Variants in TRMU observed in about 807,000 individuals in gnomAD.
TRMU encodes mitochondrial tRNA-specific 2-thiouridylase 1.
TRMU carries 49 observed loss-of-function variants against 46.9 expected under a neutral mutation model. The observed-to-expected ratio is 1.05, with a 90% CI of 0.83 to 1.33. The LOEUF is 1.33. Ranked by LOEUF, TRMU falls within the 40% of genes most tolerant of loss-of-function variation. The pLI, the probability that TRMU is intolerant of heterozygous loss-of-function variation, is 0.00. For synonymous variants in TRMU, 241 were observed against 200.9 expected, an observed-to-expected ratio of 1.20 and a Z score of -1.69; for missense variants, 572 against 532.4, an observed-to-expected ratio of 1.07 and a Z score of -0.73.
rs1482740433 is a variant in TRMU, at chr22:46,349,424, C to G, written c.479-867C>G. ...CGGCAGATGGAAAACACTAGCTACG[C>G]AGAGTGTGTACTGTACACGTGGCTC... is the stretch of plus-strand genomic sequence containing the variant. On this transcript the variant is annotated intron_variant, in intron 4 of 10. Coordinates refer to ENST00000645190, the MANE Select transcript of TRMU (RefSeq NM_018006.5). The surrounding 1 kb of genome is among the most constrained non-coding windows in gnomAD (Gnocchi z 4.6). Among the ~76,000 whole-genome samples the G allele has an allele frequency of 6.6e-6, 1 of 152,228 alleles. No homozygotes were observed. Among genetic ancestry groups the G allele is most frequent in the Non-Finnish European group, 1.5e-5 (1 of 68,042 alleles).
At chr22:46,341,029 A>G (rs1337485269) in intron 2 of TRMU, among the ~76,000 whole-genome samples, 1 of 152,226 alleles carries the variant, frequency 6.6e-6, no homozygotes, top group African/African-American at 2.4e-5. Context: ...CTTTCATTCA[A>G]GACCCACTGG....
At chr22:46,355,772 G>A in intron 9 of TRMU, 184 bp downstream of exon 9, 5 of 1,146,850 alleles carry the variant, frequency 4.4e-6, no homozygotes, top group Non-Finnish European at 6.3e-6. Flanking sequence ...TGGGGGTGCT[G>A]GGAGCAGATG....
At chr22:46,353,733 T>C in intron 7 of TRMU, 34 bp from the exon 8 acceptor site, 1 of 1,602,762 alleles carries the variant, frequency 6.2e-7, no homozygotes, top group Non-Finnish European at 8.5e-7. Flanking sequence ...TGTAACTTGT[T>C]GCCCAGCCTC....
At chr22:46,344,823 A>G (rs2078210208) in intron 3 of TRMU, among the ~76,000 whole-genome samples, 1 of 152,228 alleles carries the variant, frequency 6.6e-6, no homozygotes, top group Non-Finnish European at 1.5e-5. Flanking sequence ...TTGAGGACAC[A>G]GATGTAAAGT....
At position 46,339,993 on chromosome 22, in the gene TRMU, G is replaced by A. The variant is rs932958726; in HGVS notation, c.248+2049G>A. Among the ~76,000 whole-genome samples the A allele has an allele frequency of 6.6e-6, 1 of 152,008 alleles. No homozygotes were observed. The highest frequency in any genetic ancestry group is 1.5e-5 in the Non-Finnish European group (1 of 67,996). On this transcript the variant is annotated intron_variant, in intron 2 of 10. Coordinates refer to ENST00000645190, the MANE Select transcript of TRMU (RefSeq NM_018006.5). This position sits in a 1 kb window ranked among gnomAD's most constrained non-coding sequence, Gnocchi z 4.8. ...AGGATAAATCTGGGGGAAGACCAAA[G>A]GCAGAGAGTCTCAGGAAGTGCTGTT...
chr22:46,344,803 G>A (rs1394825604), intron 3 of TRMU, among the ~76,000 whole-genome samples: 1 of 152,228 alleles, frequency 6.6e-6, no homozygotes, highest in Non-Finnish European at 1.5e-5. Context: ...TCTAGTATAA[G>A]TGCTGTTCTT....
chr22:46,350,862 C>T lies in TRMU; in HGVS notation c.651+399C>T, dbSNP rs12160672. On this transcript the variant is annotated intron_variant, in intron 5 of 10. Coordinates refer to ENST00000645190, the MANE Select transcript of TRMU (RefSeq NM_018006.5). This position sits in a 1 kb window ranked among gnomAD's most constrained non-coding sequence, Gnocchi z 4.6. ...TCATGTGCCCTGTCACCCGCTTGCC[C>T]GGCACAGACTCGTTCGGTGCCATCT... Among the ~76,000 whole-genome samples, 4,894 of 152,290 alleles carry T rather than the reference C, an allele frequency of 0.032. 273 individuals are homozygous for T. The highest frequency in any genetic ancestry group is 0.11 in the African/African-American group (4,591 of 41,540).
chr22:46,353,954 A>C (rs911716698), intron 8 of TRMU, 87 bp downstream of exon 8: 14 of 1,282,182 alleles, frequency 1.1e-5, no homozygotes, highest in Admixed American at 1.8e-5. Context: ...GAAGGCCTCC[A>C]GCAGCCGTGG....
rs909068175 is a variant in TRMU, at chr22:46,350,985, C to T, written c.651+522C>T. The stretch of plus-strand genomic sequence containing the variant: ...CCCGCCCGCGAGTGGGGGACACAGG[C>T]AGGAGGCCAATCAGTGTAAACCTAG... On this transcript the variant is annotated intron_variant, in intron 5 of 10. Transcript: ENST00000645190. This position sits in a 1 kb window ranked among gnomAD's most constrained non-coding sequence, Gnocchi z 4.6. 2.0e-5 allele frequency among the ~76,000 whole-genome samples: 3 copies of T among 152,208 alleles called. No individual in the cohort carries two copies. The highest frequency in any genetic ancestry group is 2.9e-5 in the Non-Finnish European group (2 of 68,038).
In TRMU at chr22:46,336,117, G is replaced by A. The variant is rs1207904015; in HGVS notation, c.82+271G>A. ...GCGCGCCCACCCACAGTGAGAAGCC[G>A]GCGGGCCGGGGTGGGGTGGGGAGGG... is the stretch of plus-strand genomic sequence containing the variant. On this transcript the variant is annotated intron_variant, in intron 1 of 10. Transcript: ENST00000645190. This position sits in a 1 kb window ranked among gnomAD's most constrained non-coding sequence, Gnocchi z 4.1. The A allele has an allele frequency of 8.2e-6, 11 of 1,345,670 alleles. No homozygotes were observed. The highest frequency in any genetic ancestry group is 1.5e-5 in the African/African-American group (1 of 64,652). The allele number at this position is 1,345,670 out of a possible 1,614,324, so 83.4% of individuals were successfully genotyped here.
intron 8 of TRMU, 146 bp from the exon 9 acceptor site, chr22:46,355,296 TTC>T: frequency 7.9e-7 from 1 of 1,265,158 alleles, no homozygotes; most frequent in South Asian, 1.3e-5. Flanking sequence ...TGAGATGAAT[TTC>T]TGTGGGTAGA....
In TRMU at chr22:46,356,880, C is replaced by T. The variant is rs142734733; in HGVS notation, c.1140C>T (p.Ser380=). ...ACAAGGGGGACGAGTGCCTGGGCAGCGGGAAGATCCTGCGGCTGGGGCCGT... is the reference window on the plus strand; with the variant it reads ...ACAAGGGGGACGAGTGCCTGGGCAGTGGGAAGATCCTGCGGCTGGGGCCGT... ...VFYKGDECLG[S]GKILRLGPSA... The change falls in exon 11 of 11, where the codon AGC becomes AGT. Residue 380 remains serine, a synonymous_variant. Coordinates refer to ENST00000645190, the MANE Select transcript of TRMU (RefSeq NM_018006.5). 21 of 1,613,374 alleles carry T rather than the reference C, an allele frequency of 1.3e-5. No individual in the cohort carries two copies. Among genetic ancestry groups the T allele is most frequent in the East Asian group, 4.5e-5 (2 of 44,898 alleles).
rs2077971258 is a variant in TRMU at position 46,336,172 on chromosome 22, C to T, written c.82+326C>T. The T allele has an allele frequency of 1.6e-6, 2 of 1,233,590 alleles. No homozygotes were observed. Among genetic ancestry groups the T allele is most frequent in the Admixed American group, 8.0e-5 (2 of 24,862 alleles). The allele number at this position is 1,233,590 out of a possible 1,614,324, so 76.4% of individuals were successfully genotyped here. On this transcript the variant is annotated intron_variant, in intron 1 of 10. Coordinates refer to ENST00000645190, the MANE Select transcript of TRMU (RefSeq NM_018006.5). This position sits in a 1 kb window ranked among gnomAD's most constrained non-coding sequence, Gnocchi z 4.1. ...GTTTCTCACGGATCTGCGGCGTCCA[C>T]ATTCACCTGTGAGACCGTGGACACT...
intron 1 of TRMU, among the ~76,000 whole-genome samples, chr22:46,337,503 AC>A (rs1408850353): frequency 2.6e-5 from 4 of 152,174 alleles, no homozygotes; most frequent in African/African-American, 9.7e-5. Context: ...CGTGTATTCC[AC>A]ACACACTGGC....
intron 7 of TRMU, chr22:46,352,561 G>T (rs1443222728): frequency 1.6e-6 from 1 of 607,988 alleles, no homozygotes; most frequent in East Asian, 2.8e-5. Context: ...TTCATGAAAA[G>T]CGCGCCTCTG....
At position 46,355,834 on chromosome 22, in the gene TRMU, G is replaced by C. The variant is rs1213606826; in HGVS notation, c.1019-156G>C. ...AAGCAAGTGTGTACACTGCCCCGCAGTGTCCTGCTGCGTCCAGGGCCCAGG... is the reference window on the plus strand; with the variant it reads ...AAGCAAGTGTGTACACTGCCCCGCACTGTCCTGCTGCGTCCAGGGCCCAGG... On this transcript the variant is annotated intron_variant, in intron 9 of 10. Transcript: ENST00000645190. The C allele has an allele frequency of 7.8e-6, 8 of 1,019,946 alleles. No homozygotes were observed. The Admixed American group carries it at 8.2e-5, about 10-fold the overall frequency. 63.2% of individuals were successfully genotyped at this position (1,019,946 alleles called of 1,614,324 possible).
At chr22:46,344,855 C>T (rs2078210931) in intron 3 of TRMU, among the ~76,000 whole-genome samples, 1 of 152,172 alleles carries the variant, frequency 6.6e-6, no homozygotes, top group South Asian at 2.1e-4. Context: ...TCTAGGAGAA[C>T]CTCAGTCAAG....
Position 46,350,973 on chromosome 22 carries a change from G to T in TRMU, c.651+510G>T, listed in dbSNP as rs1450159902. ...GCCTCCATGGAGCCCGCCCGCGAGT[G>T]GGGGACACAGGCAGGAGGCCAATCA... On this transcript the variant is annotated intron_variant, in intron 5 of 10. Transcript: ENST00000645190. This position sits in a 1 kb window ranked among gnomAD's most constrained non-coding sequence, Gnocchi z 4.6. Among the ~76,000 whole-genome samples the T allele has an allele frequency of 6.6e-6, 1 of 152,244 alleles. No individual in the cohort carries two copies. The highest frequency in any genetic ancestry group is 2.4e-5 in the African/African-American group (1 of 41,464).
chr22:46,354,449 C>T (rs1228811159), intron 8 of TRMU: 1 of 165,408 alleles, frequency 6.0e-6, no homozygotes, highest in East Asian at 1.7e-4. Context: ...ATCTGTGGGT[C>T]AGGCCGGGGA....
Sources: allele counts gnomAD v4.1 joint callset (sites outside exome capture counted in the v4.1 genomes callset), GRCh38; gene constraint gnomAD v4.1.1; non-coding constraint Gnocchi (gnomAD v3.1); transcripts MANE v1.5; gene names NCBI Gene and HGNC (gene_info 2026-07-23, HGNC 2026-07-21).